Variants in TP53BP1 observed in about 807,000 individuals in gnomAD.
The protein encoded by TP53BP1 is TP53-binding protein 1.
A neutral mutation model predicts 200.8 loss-of-function variants in TP53BP1; 61 were observed. The observed-to-expected ratio is 0.30, with a 90% CI of 0.25 to 0.38. The LOEUF is 0.38. Among genes scored for constraint, TP53BP1 ranks in the 10% least tolerant of loss-of-function variants. TP53BP1 has a pLI of 1.00. For missense variants in TP53BP1, 2,144 were observed against 2,371.9 expected, an observed-to-expected ratio of 0.90 and a Z score of 2.00; for synonymous variants, 822 against 844.3, an observed-to-expected ratio of 0.97 and a Z score of 0.46.
At chr15:43,450,645 C>T (rs973358779) in intron 12 of TP53BP1, among the ~76,000 whole-genome samples, 1 of 152,138 alleles carries the variant, frequency 6.6e-6, no homozygotes, top group African/African-American at 2.4e-5. Flanking sequence ...TACCATCTTG[C>T]TTTTTTACAG....
intron 25 of TP53BP1, 50 bp from the exon 26 acceptor site, chr15:43,409,146 C>T: frequency 1.3e-6 from 2 of 1,564,298 alleles, no homozygotes; most frequent in Non-Finnish European, 1.8e-6. Flanking sequence ...CTGTGGAAAG[C>T]TCCTAAGCAG....
At position 43,481,772 on chromosome 15, in the gene TP53BP1, G is replaced by A. The variant is rs1374606248; in HGVS notation, c.372-750C>T. Among the ~76,000 whole-genome samples the A allele has an allele frequency of 9.5e-5, 14 of 147,928 alleles. No individual in the cohort carries two copies. The East Asian group carries it at 1.0e-3, about 11-fold the overall frequency. ...GGAGGTTGCAGTGAGCCGAGATCGC[G>A]CCACTGCACTGCAGCCTGGTGACAG... On this transcript the variant is annotated intron_variant, in intron 4 of 27. Coordinates refer to ENST00000382044, the MANE Select transcript of TP53BP1 (RefSeq NM_001141980.3).
Position 43,455,995 on chromosome 15 carries a change from G to T in TP53BP1, c.2613C>A (p.Asp871Glu), listed in dbSNP as rs778065058. The T allele has an allele frequency of 3.1e-6, 5 of 1,613,924 alleles. No homozygotes were observed. The highest frequency in any genetic ancestry group is 4.2e-6 in the Non-Finnish European group (5 of 1,180,006). ...GCTGCTTTGCATTAGCCATTTTTGAGTCTTCTGTTAATGAATTACTTGTTT... is the reference window on the plus strand; with the variant it reads ...GCTGCTTTGCATTAGCCATTTTTGATTCTTCTGTTAATGAATTACTTGTTT... The part of the protein sequence containing the change: ...QEKTSNSLTE[D>E]SKMANAKQLS... The change falls in exon 12 of 28, where the codon GAC (aspartate) becomes GAA (glutamate). Residue 871 changes from aspartate to glutamate, a missense_variant. Physicochemically the swap from Asp to Glu is conservative, Grantham distance 45. Around this residue, in one of 4 missense-constraint regions of TP53BP1, gnomAD observed 1,700 missense variants for 1,710.3 expected, o/e 0.99. Transcript: ENST00000382044.
intron 21 of TP53BP1, among the ~76,000 whole-genome samples, chr15:43,418,118 T>A (rs1292711566): frequency 2.0e-5 from 3 of 147,098 alleles, no homozygotes; most frequent in Non-Finnish European, 3.0e-5. Context: ...AGGCGGAGGT[T>A]GCAGTGAGCC....
rs1386163495 is a variant in TP53BP1, at chr15:43,457,515, C to G, written c.1390-297G>C. Among the ~76,000 whole-genome samples the G allele has an allele frequency of 2.6e-5, 4 of 151,108 alleles. No individual in the cohort carries two copies. In the South Asian group the frequency reaches 8.4e-4, roughly 32 times the overall value. On this transcript the variant is annotated intron_variant, in intron 11 of 27. Coordinates refer to ENST00000382044, the MANE Select transcript of TP53BP1 (RefSeq NM_001141980.3). ...TGAAACCCTGTCTCTACTAAAAATA[C>G]AAAAAAATCAGCCAGGCGTGGTGGT...
chr15:43,415,096 A>G (rs1401544601), intron 23 of TP53BP1: 8 of 188,442 alleles, frequency 4.2e-5, no homozygotes, highest in Non-Finnish European at 3.3e-5. Flanking sequence ...GGTGCAGGCA[A>G]AGAGAAATTA....
chr15:43,434,128 A>C (rs888210532), intron 16 of TP53BP1, among the ~76,000 whole-genome samples: 1 of 152,224 alleles, frequency 6.6e-6, no homozygotes, highest in African/African-American at 2.4e-5. Context: ...CAGGAACCTC[A>C]ACTGAATGAG....
At chr15:43,475,757 T>C in intron 8 of TP53BP1, 63 bp from the exon 9 acceptor site, 1 of 1,585,452 alleles carries the variant, frequency 6.3e-7, no homozygotes, top group Non-Finnish European at 8.6e-7. Flanking sequence ...CAAAAACCAT[T>C]CAGTACTGCA....
At chr15:43,464,680 G>C (rs1395141175) in intron 11 of TP53BP1, among the ~76,000 whole-genome samples, 1 of 151,992 alleles carries the variant, frequency 6.6e-6, no homozygotes, top group Non-Finnish European at 1.5e-5. Context: ...GAGACAGGCG[G>C]ATCACCTGAG....
chr15:43,421,417 C>T (rs2045394079), intron 19 of TP53BP1, among the ~76,000 whole-genome samples: 1 of 152,182 alleles, frequency 6.6e-6, no homozygotes. Flanking sequence ...CCTACTGCTG[C>T]TGCAAAAACA....
In TP53BP1 at chr15:43,406,938, AC is replaced by A; in HGVS notation, c.*444del. 1 of 245,720 alleles carries A rather than the reference AC, an allele frequency of 4.1e-6. No homozygotes were observed. The highest frequency in any genetic ancestry group is 8.0e-6 in the Non-Finnish European group (1 of 124,264). The allele number at this position is 245,720 out of a possible 1,614,324, so 15.2% of individuals were successfully genotyped here. A position where few individuals can be genotyped will look rare whatever the true frequency, so the allele number is the denominator to read the frequency against. ...TGAGGTCTTTTTTAACTGTCAGGAA[AC>A]AGAGCTGTGCCCAATTCCACTCAAC... On this transcript the variant is annotated 3_prime_UTR_variant, in exon 28 of 28. Transcript: ENST00000382044.
At chr15:43,428,537 C>T (rs2045601688) in intron 17 of TP53BP1, among the ~76,000 whole-genome samples, 1 of 152,174 alleles carries the variant, frequency 6.6e-6, no homozygotes, top group Non-Finnish European at 1.5e-5. Flanking sequence ...AACGAGTTTA[C>T]ATTTGCAATA....
At chr15:43,495,371 C>T (rs1328398985), upstream of TP53BP1, among the ~76,000 whole-genome samples, 2 of 144,984 alleles carry the variant, frequency 1.4e-5, no homozygotes, top group Non-Finnish European at 3.0e-5. Flanking sequence ...TGGTGGTGGG[C>T]GCCTGTAGTC....
intron 16 of TP53BP1, among the ~76,000 whole-genome samples, 155 bp downstream of exon 16, chr15:43,438,169 C>T (rs2045843842): frequency 1.3e-5 from 2 of 152,184 alleles, no homozygotes; most frequent in African/African-American, 4.8e-5. Flanking sequence ...AGCTTTATAC[C>T]AATACCACTA....
Position 43,438,728 on chromosome 15 carries a change from CAAAAAAAAAAAA to C in TP53BP1, c.3099-324_3099-313del, listed in dbSNP as rs397699362. ...CAACAAATAATTTGCAAGCAAGAGG[CAAAAAAAAAAAA>C]AAAAAAAAAAAAAAAAGACTGGAGG... On this transcript the variant is annotated intron_variant, in intron 15 of 27. Coordinates refer to ENST00000382044, the MANE Select transcript of TP53BP1 (RefSeq NM_001141980.3). 6.5e-4 allele frequency among the ~76,000 whole-genome samples: 14 copies of C among 21,646 alleles called. No individual in the cohort carries two copies. The East Asian group carries it at 6.5e-3, about 10-fold the overall frequency. 14.2% of individuals were successfully genotyped at this position (21,646 alleles called of 152,430 possible). A position where few individuals can be genotyped will look rare whatever the true frequency, so the allele number is the denominator to read the frequency against.
intron 1 of TP53BP1, among the ~76,000 whole-genome samples, chr15:43,504,320 C>T (rs545701991): frequency 2.0e-5 from 3 of 152,218 alleles, no homozygotes; most frequent in South Asian, 4.1e-4. Flanking sequence ...GCCATAAATA[C>T]TATTGAATGA....
intron 14 of TP53BP1, among the ~76,000 whole-genome samples, chr15:43,442,608 A>G (rs1350198270): frequency 6.6e-6 from 1 of 150,598 alleles, no homozygotes; most frequent in South Asian, 2.1e-4. Context: ...AGCGATTCTC[A>G]TGCCTCACCC....
intron 4 of TP53BP1, among the ~76,000 whole-genome samples, chr15:43,482,224 A>G (rs1316922541): frequency 1.3e-5 from 2 of 151,422 alleles, no homozygotes; most frequent in African/African-American, 4.9e-5. Context: ...GCGAGACTCC[A>G]CCTCAAAAAA....
rs78779352 is a variant in TP53BP1, at chr15:43,503,051, C to T, written c.-9+7319G>A. Among the ~76,000 whole-genome samples the T allele has an allele frequency of 2.6e-5, 4 of 152,346 alleles. 1 individual carries two copies. The highest frequency in any genetic ancestry group is 9.6e-5 in the African/African-American group (4 of 41,576). On this transcript the variant is annotated intron_variant, in intron 1 of 27. Transcript: ENST00000263801. ...TACATGCGTGAGCCACCTTGCCCGG[C>T]CTATCTTGTGTTTTTTAGTCAACTT... is the stretch of plus-strand genomic sequence containing the variant.
Sources: allele counts gnomAD v4.1 joint callset (sites outside exome capture counted in the v4.1 genomes callset), GRCh38; gene constraint gnomAD v4.1.1; regional missense constraint gnomAD v4.1.1; transcripts MANE v1.5; gene names NCBI Gene and HGNC (gene_info 2026-07-23, HGNC 2026-07-21).